The following MYLK3 variants were observed in gnomAD, a reference collection of about 807,000 sequenced individuals.
MYLK3 encodes the protein myosin light chain kinase 3, also known as MLC kinase.
A neutral mutation model predicts 76.3 loss-of-function variants in MYLK3; 55 were observed. The ratio of observed to expected loss-of-function variants is 0.72; its 90% CI spans 0.58 to 0.90. MYLK3 has a LOEUF of 0.90. MYLK3 is among the 40% of genes least tolerant of loss of function. The pLI is 0.00. For missense variants in MYLK3, 973 were observed against 1,053.6 expected (o/e 0.92, Z 1.06); for synonymous variants, 416 against 425.4 (o/e 0.98, Z 0.27).
At chr16:46,727,166 C>G in intron 8 of MYLK3, 70 bp downstream of exon 8, 1 of 1,548,924 alleles carries the variant, frequency 6.5e-7, no homozygotes, top group Non-Finnish European at 8.8e-7. Context: ...GGATAGAGCT[C>G]TCAATGGTGA....
chr16:46,740,418 TA>T (rs1182473665), intron 1 of MYLK3, among the ~76,000 whole-genome samples: 1 of 151,334 alleles, frequency 6.6e-6, no homozygotes, highest in African/African-American at 2.4e-5. Context: ...ATATTCCCCA[TA>T]AGGGATGAAC....
intron 3 of MYLK3, among the ~76,000 whole-genome samples, chr16:46,734,535 C>T (rs184998703): frequency 2.0e-5 from 3 of 151,996 alleles, no homozygotes; most frequent in East Asian, 3.9e-4. Flanking sequence ...AATAGCTAAT[C>T]GCTTGAACCC....
At chr16:46,724,718 A>T (rs1440485828) in intron 8 of MYLK3, among the ~76,000 whole-genome samples, 2 of 152,200 alleles carry the variant, frequency 1.3e-5, no homozygotes, top group Non-Finnish European at 2.9e-5. Context: ...AAAGTTTCAA[A>T]ATTGGGAAAA....
chr16:46,762,923 C>T, intron 1 of MYLK3: 2 of 795,486 alleles, frequency 2.5e-6, no homozygotes, highest in Non-Finnish European at 3.0e-6. Context: ...GCTCATTTTT[C>T]TTGTCGTTTT....
chr16:46,736,259 C>T (rs1027947582), intron 3 of MYLK3, among the ~76,000 whole-genome samples: 3 of 152,164 alleles, frequency 2.0e-5, no homozygotes, highest in Admixed American at 6.5e-5. Context: ...GCGATCCTCC[C>T]GCCTCGGCCT....
chr16:46,715,442 G>A (rs781013567), intron 9 of MYLK3, among the ~76,000 whole-genome samples: 7 of 152,102 alleles, frequency 4.6e-5, no homozygotes, highest in East Asian at 1.9e-4. Flanking sequence ...CCATCAAAAC[G>A]CTCTCTTCAT....
chr16:46,732,435 A>G lies in MYLK3; in HGVS notation c.1235T>C (p.Val412Ala), dbSNP rs1453956057. Residue 412 changes from valine (V) to alanine (A), a missense_variant, in exon 4 of 13, where the codon GTG becomes GCG. Physicochemically the swap from Val to Ala is moderately conservative, Grantham distance 64. Around this residue, in one of 2 missense-constraint regions of MYLK3, gnomAD observed 641 missense variants for 637.0 expected, o/e 1.01. Coordinates refer to ENST00000394809, the MANE Select transcript of MYLK3 (RefSeq NM_182493.3). ...PLQESSSPGG[V>A]KAEEEQRAGA... is the part of the protein sequence containing the mutation. ...AGCCCTTTGCTCCTCCTCTGCCTTC[A>G]CTCCCCCGGGGCTGCTGCTCTCCTG... 3 of 1,612,014 alleles carry G rather than the reference A, an allele frequency of 1.9e-6. No individual in the cohort carries two copies. Among genetic ancestry groups the G allele is most frequent in the Non-Finnish European group, 2.5e-6 (3 of 1,179,846 alleles).
At chr16:46,763,126 A>G in exon 1 of MYLK3, 1 of 983,350 alleles carries the variant, frequency 1.0e-6, no homozygotes, top group African/African-American at 1.7e-5. Context: ...TGTTACCTCC[A>G]TCTTATACAC....
Position 46,707,505 on chromosome 16 carries a change from A to G in MYLK3, c.*199T>C. On this transcript the variant is annotated 3_prime_UTR_variant, in exon 13 of 13. Coordinates refer to ENST00000394809, the MANE Select transcript of MYLK3 (RefSeq NM_182493.3). ...GCATTTCACACGTAGTGATCTTACA[A>G]GGCAGAAAAAAACGTTCTTAGGAAG... The G allele has an allele frequency of 1.8e-6, 1 of 544,704 alleles. No individual in the cohort carries two copies. Among genetic ancestry groups the G allele is most frequent in the Non-Finnish European group, 3.2e-6 (1 of 308,562 alleles). 33.7% of individuals were successfully genotyped at this position (544,704 alleles called of 1,614,324 possible). A position where few individuals can be genotyped will look rare whatever the true frequency, so the allele number is the denominator to read the frequency against.
rs369846131 is a variant in MYLK3 at position 46,729,702 on chromosome 16, C to T, written c.1569-15G>A. ...CAAACCGACCCCTGCAGAGACATAG[C>T]CACACGGCAGGCTGAGAGCCCAGAG... On this transcript the variant is annotated splice_polypyrimidine_tract_variant and intron_variant, in intron 5 of 12. Transcript: ENST00000394809. 5.6e-6 allele frequency: 9 copies of T among 1,611,318 alleles called. No homozygotes were observed. Among genetic ancestry groups the T allele is most frequent in the South Asian group, 5.5e-5 (5 of 91,048 alleles).
Position 46,741,763 on chromosome 16 carries a change from G to C in MYLK3, c.478-1616C>G, listed in dbSNP as rs528856371. Among the ~76,000 whole-genome samples, 3 of 125,536 alleles carry C rather than the reference G, an allele frequency of 2.4e-5. No homozygotes were observed. The South Asian group carries it at 8.4e-4, about 35-fold the overall frequency. The allele number at this position is 125,536 out of a possible 152,430, so 82.4% of individuals were successfully genotyped here. ...AACAGCTCAGGACATATTTTGTTGG[G>C]CTTGCAATTTTTTTTTTTTTTTTTT... On this transcript the variant is annotated intron_variant, in intron 1 of 12. Coordinates refer to ENST00000394809, the MANE Select transcript of MYLK3 (RefSeq NM_182493.3).
chr16:46,761,156 G>A (rs1298876830), intron 1 of MYLK3, among the ~76,000 whole-genome samples: 1 of 152,186 alleles, frequency 6.6e-6, no homozygotes, highest in Non-Finnish European at 1.5e-5. Flanking sequence ...AGAAAAGACG[G>A]TTCTAGTGAG....
chr16:46,756,043 G>T (rs569420395), intron 1 of MYLK3, among the ~76,000 whole-genome samples: 4 of 151,128 alleles, frequency 2.6e-5, no homozygotes, highest in African/African-American at 9.7e-5. Context: ...GAGAGTAGCT[G>T]GGACTACAGG....
At chr16:46,749,238 C>T (rs762081513), upstream of MYLK3, among the ~76,000 whole-genome samples, 15 of 152,208 alleles carry the variant, frequency 9.9e-5, no homozygotes, top group Admixed American at 5.2e-4. Flanking sequence ...GTCCCAAGGA[C>T]GCCACGGAGC....
intron 5 of MYLK3, chr16:46,729,897 C>A: frequency 1.7e-6 from 1 of 604,756 alleles, no homozygotes. Context: ...CATTCCACAT[C>A]CCAGGGAACA....
chr16:46,743,028 T>A (rs573374626), intron 1 of MYLK3, among the ~76,000 whole-genome samples: 1 of 152,324 alleles, frequency 6.6e-6, no homozygotes, highest in East Asian at 1.9e-4. Flanking sequence ...GGCGCATGCG[T>A]ACGCACCCCC....
At chr16:46,758,266 C>CCACA (rs1164674291) in intron 1 of MYLK3, among the ~76,000 whole-genome samples, 44 of 127,018 alleles carry the variant, frequency 3.5e-4, no homozygotes, top group African/African-American at 5.6e-4. Context: ...CTCTCTCTCT[C>CCACA]CACACACACA....
chr16:46,735,448 C>T (rs938526467), intron 3 of MYLK3, among the ~76,000 whole-genome samples: 5 of 152,136 alleles, frequency 3.3e-5, no homozygotes, highest in South Asian at 2.1e-4. Context: ...TCAGCTGATC[C>T]GCCCGCCTCG....
intron 8 of MYLK3, among the ~76,000 whole-genome samples, chr16:46,721,405 C>T (rs252725): frequency 0.98 from 148,755 of 152,304 alleles, 72,726 homozygotes; most frequent in East Asian, 1. Context: ...GGCTCCCAGC[C>T]TGTGTAAAGG....
Sources: gnomAD v4.1 joint callset for allele counts (sites outside exome capture counted in the v4.1 genomes callset) on GRCh38, gnomAD v4.1.1 for gene constraint, gnomAD v4.1.1 regional missense constraint, MANE v1.5 for transcripts, NCBI Gene and HGNC (gene_info 2026-07-23, HGNC 2026-07-21) for gene names.